The following SMYD3 variants were observed in gnomAD, a reference collection of about 807,000 sequenced individuals.
The protein encoded by SMYD3 is SET and MYND domain containing 3.
SMYD3 carries 36 observed loss-of-function variants against 57.7 expected under a neutral mutation model. That is an observed-to-expected ratio of 0.62 (90% confidence interval 0.48 to 0.82). The LOEUF (loss-of-function observed/expected upper bound fraction) is 0.82. SMYD3 is among the 40% of genes least tolerant of loss of function. SMYD3 has a pLI of 0.00. For synonymous variants in SMYD3, 211 were observed against 195.0 expected (o/e 1.08, Z -0.68); for missense variants, 515 against 538.8 (o/e 0.96, Z 0.44).
chr1:246,427,344 C>A (rs1185235273), intron 1 of SMYD3, among the ~76,000 whole-genome samples: 1 of 151,118 alleles, frequency 6.6e-6, no homozygotes, highest in Admixed American at 6.6e-5. Flanking sequence ...AACGGTGAAA[C>A]CCCGTCTCTA....
At chr1:246,083,065 G>A (rs1407254859) in intron 5 of SMYD3, among the ~76,000 whole-genome samples, 1 of 151,904 alleles carries the variant, frequency 6.6e-6, no homozygotes, top group Non-Finnish European at 1.5e-5. Flanking sequence ...GGCCTCCTGG[G>A]AAGGGAAAGA....
intron 1 of SMYD3, among the ~76,000 whole-genome samples, chr1:246,385,275 G>A (rs968926905): frequency 1.4e-5 from 2 of 146,404 alleles, no homozygotes; most frequent in East Asian, 3.9e-4. Flanking sequence ...AACTACATGC[G>A]AATTTTAAGT....
At chr1:245,840,164 T>C (rs1393907441) in intron 10 of SMYD3, among the ~76,000 whole-genome samples, 1 of 152,120 alleles carries the variant, frequency 6.6e-6, no homozygotes, top group Non-Finnish European at 1.5e-5. Flanking sequence ...GGAAAACTTT[T>C]CCCAGAGCTA....
chr1:245,872,516 C>T (rs1272919170), intron 8 of SMYD3, among the ~76,000 whole-genome samples: 1 of 152,078 alleles, frequency 6.6e-6, no homozygotes, highest in Non-Finnish European at 1.5e-5. Context: ...CTTCTCCCGT[C>T]GGGCAGCCCC....
chr1:246,305,284 A>G (rs1469651860), intron 5 of SMYD3, among the ~76,000 whole-genome samples: 1 of 152,238 alleles, frequency 6.6e-6, no homozygotes, highest in East Asian at 1.9e-4. Context: ...AATCGCTTCC[A>G]GAAAAATGTT....
chr1:246,296,574 CTAAAT>C (rs1304033269), intron 5 of SMYD3, among the ~76,000 whole-genome samples: 1 of 151,858 alleles, frequency 6.6e-6, no homozygotes, highest in Non-Finnish European at 1.5e-5. Context: ...TACAAAATAA[CTAAAT>C]TATTTTCTGA....
At chr1:245,898,312 CAT>C (rs1292363381) in intron 8 of SMYD3, among the ~76,000 whole-genome samples, 1 of 152,116 alleles carries the variant, frequency 6.6e-6, no homozygotes, top group African/African-American at 2.4e-5. Context: ...TACATATATA[CAT>C]GTGTATGTAT....
intron 5 of SMYD3, among the ~76,000 whole-genome samples, chr1:246,039,779 G>A (rs893436671): frequency 3.3e-5 from 5 of 152,098 alleles, no homozygotes; most frequent in Admixed American, 1.3e-4. Flanking sequence ...AATTGATTAG[G>A]TCATGCTGTA....
rs187458019 is a variant in SMYD3 at position 246,203,705 on chromosome 1, G to A, written c.531+123496C>T. 3.9e-5 allele frequency among the ~76,000 whole-genome samples: 6 copies of A among 152,248 alleles called. No homozygotes were observed. Among genetic ancestry groups the A allele is most frequent in the South Asian group, 2.1e-4 (1 of 4,820 alleles). On this transcript the variant is annotated intron_variant, in intron 5 of 11. Transcript: ENST00000490107. This position sits in a 1 kb window ranked among gnomAD's most constrained non-coding sequence, Gnocchi z 4.6. ...AAATATGGTCACATTCTGAAGTACC[G>A]GTGGTTAGAACATCAACATATGAAT...
At chr1:245,927,868 G>T in intron 7 of SMYD3, 63 bp downstream of exon 7, 1 of 1,338,548 alleles carries the variant, frequency 7.5e-7, no homozygotes, top group Non-Finnish European at 1.1e-6. Context: ...TTTAGGGACG[G>T]GCCGAGCTGA....
At chr1:245,896,547 T>G (rs964820282) in intron 8 of SMYD3, among the ~76,000 whole-genome samples, 3 of 152,128 alleles carry the variant, frequency 2.0e-5, no homozygotes, top group African/African-American at 7.2e-5. Flanking sequence ...AATACAAATG[T>G]TTCACATAAA....
At chr1:246,221,404 C>T (rs79473654) in intron 5 of SMYD3, among the ~76,000 whole-genome samples, 13,376 of 152,214 alleles carry the variant, frequency 0.088, 1,040 homozygotes, top group East Asian at 0.24. Context: ...GCTAAAAGAG[C>T]TACTGTAACA....
At chr1:246,350,820 G>T (rs12133677) in intron 2 of SMYD3, among the ~76,000 whole-genome samples, 22 of 152,032 alleles carry the variant, frequency 1.4e-4, no homozygotes, top group Non-Finnish European at 1.9e-4. Context: ...AGTGGGAAAA[G>T]AAAAACTTCC....
At chr1:245,816,202 A>G (rs973313728) in intron 10 of SMYD3, among the ~76,000 whole-genome samples, 4 of 152,118 alleles carry the variant, frequency 2.6e-5, no homozygotes, top group Admixed American at 6.5e-5. Context: ...TTTTCTCCCA[A>G]TGGATTACAG....
chr1:246,291,066 A>G (rs2027372), intron 5 of SMYD3, among the ~76,000 whole-genome samples: 67,285 of 151,940 alleles, frequency 0.44, 15,806 homozygotes, highest in East Asian at 0.82. Flanking sequence ...TTAATAAAGT[A>G]GTCTTGATAA....
intron 5 of SMYD3, among the ~76,000 whole-genome samples, chr1:246,211,103 AT>A (rs1207348421): frequency 6.6e-6 from 1 of 152,094 alleles, no homozygotes; most frequent in African/African-American, 2.4e-5. Flanking sequence ...ATGTTTGTTA[AT>A]TTTTCTATTA....
At chr1:246,414,523 G>A (rs2067026033) in intron 1 of SMYD3, among the ~76,000 whole-genome samples, 1 of 151,992 alleles carries the variant, frequency 6.6e-6, no homozygotes, top group Non-Finnish European at 1.5e-5. Context: ...ATGGTGTCAT[G>A]TAAATCACTC....
chr1:245,809,515 G>C (rs940669397), intron 10 of SMYD3, among the ~76,000 whole-genome samples: 1 of 152,214 alleles, frequency 6.6e-6, no homozygotes, highest in African/African-American at 2.4e-5. Context: ...GCCCCTCCCT[G>C]AGAACCCTGC....
chr1:245,904,694 C>G (rs1353013665), intron 8 of SMYD3, among the ~76,000 whole-genome samples: 1 of 152,096 alleles, frequency 6.6e-6, no homozygotes, highest in Non-Finnish European at 1.5e-5. Flanking sequence ...TAGGCAAGTC[C>G]TACAGCTGAA....
Sources: gnomAD v4.1 joint callset for allele counts (sites outside exome capture counted in the v4.1 genomes callset) on GRCh38, gnomAD v4.1.1 for gene constraint, Gnocchi (gnomAD v3.1) non-coding constraint, MANE v1.5 for transcripts, NCBI Gene and HGNC (gene_info 2026-07-23, HGNC 2026-07-21) for gene names.